Variants in CPM observed in about 807,000 individuals in gnomAD.
CPM encodes renal carboxypeptidase.
In CPM, 35 loss-of-function variants were observed where a neutral mutation model predicts 46.4. The observed-to-expected ratio is 0.75, with a 90% CI of 0.58 to 1.00. The LOEUF is 1.00. Among genes scored for constraint, CPM ranks in the 50% least tolerant of loss-of-function variants. CPM has a pLI of 0.00. For missense variants in CPM, 422 were observed against 530.4 expected (o/e 0.80, Z 2.01); for synonymous variants, 195 against 195.3 (o/e 1.00, Z 0.01).
intron 1 of CPM, among the ~76,000 whole-genome samples, chr12:68,940,945 A>G (rs1475208739): frequency 6.6e-6 from 1 of 152,084 alleles, no homozygotes; most frequent in African/African-American, 2.4e-5. Flanking sequence ...AACTTTTTCA[A>G]ACCTTGCAAA....
intron 2 of CPM, among the ~76,000 whole-genome samples, chr12:68,923,432 T>G (rs1243841287): frequency 6.6e-6 from 1 of 152,114 alleles, no homozygotes; most frequent in African/African-American, 2.4e-5. Context: ...ACTAAGCACC[T>G]TTTGGATGCT....
chr12:68,949,549 A>C (rs1395308289), intron 1 of CPM, among the ~76,000 whole-genome samples: 1 of 152,190 alleles, frequency 6.6e-6, no homozygotes, highest in African/African-American at 2.4e-5. Context: ...CTTCTTTAGA[A>C]ATGTGGATAA....
intron 2 of CPM, among the ~76,000 whole-genome samples, chr12:68,921,475 G>A (rs995238679): frequency 1.3e-5 from 2 of 152,182 alleles, no homozygotes; most frequent in African/African-American, 4.8e-5. Flanking sequence ...GGGTGAGTGT[G>A]ATGGTGGTGA....
In CPM at chr12:68,856,203, T is replaced by C. The variant is rs889120730; in HGVS notation, c.*234A>G. On this transcript the variant is annotated 3_prime_UTR_variant, in exon 9 of 9. Transcript: ENST00000551568. ...ACTTCAAGATTAATTTGAGTGTAAA[T>C]GAGCAGTACTTGTTAGGTAAGTGTC... 6.3e-6 allele frequency: 3 copies of C among 477,596 alleles called. No homozygotes were observed. The highest frequency in any genetic ancestry group is 5.7e-5 in the African/African-American group (3 of 52,304). The allele number at this position is 477,596 out of a possible 1,614,324, so 29.6% of individuals were successfully genotyped here.
chr12:68,903,548 T>C (rs936371894), intron 2 of CPM, among the ~76,000 whole-genome samples: 1 of 152,240 alleles, frequency 6.6e-6, no homozygotes, highest in African/African-American at 2.4e-5. Context: ...GAAATGCCCA[T>C]TTCAGAAGCA....
At chr12:68,892,634 C>T (rs149988715) in intron 2 of CPM, among the ~76,000 whole-genome samples, 1,995 of 152,068 alleles carry the variant, frequency 0.013, 52 homozygotes, top group African/African-American at 0.046. Context: ...CCAAGGCAGG[C>T]GGATCACCTG....
In CPM at chr12:68,859,006, C is replaced by T. The variant is rs746341475; in HGVS notation, c.1006G>A (p.Asp336Asn). The T allele has an allele frequency of 1.1e-5, 18 of 1,574,852 alleles. No homozygotes were observed. The highest frequency in any genetic ancestry group is 1.6e-5 in the Non-Finnish European group (18 of 1,160,628). ...PLPNVIVEVQ[D>N]RKHICPYRTN... ...CTATAGGGGCAGATATGTTTTCTGT[C>T]TTGGACTTCCACAATTACATTGGGT... Residue 336 changes from aspartate to asparagine, a missense_variant, in exon 8 of 9, where the codon GAC becomes AAC. Physicochemically the swap from Asp to Asn is conservative, Grantham distance 23 (BLOSUM62 1). Coordinates refer to ENST00000551568, the MANE Select transcript of CPM (RefSeq NM_198320.5).
At chr12:68,933,932 A>G (rs1303997856), upstream of CPM, among the ~76,000 whole-genome samples, 1 of 152,178 alleles carries the variant, frequency 6.6e-6, no homozygotes, top group Non-Finnish European at 1.5e-5. Flanking sequence ...TCTTAGGCCA[A>G]TTACAGGTCT....
intron 6 of CPM, among the ~76,000 whole-genome samples, 197 bp from the exon 7 acceptor site, chr12:68,867,245 G>A (rs1181955341): frequency 1.3e-5 from 2 of 152,172 alleles, no homozygotes; most frequent in African/African-American, 4.8e-5. Flanking sequence ...TCCCATATGG[G>A]TAACTGGATC....
intron 2 of CPM, among the ~76,000 whole-genome samples, chr12:68,901,944 C>T (rs1421843747): frequency 1.3e-5 from 2 of 152,088 alleles, no homozygotes; most frequent in African/African-American, 4.8e-5. Context: ...AAAGAGGCAC[C>T]TCTGTGTCAC....
In CPM at chr12:68,871,920, A is replaced by G; in HGVS notation, c.295T>C (p.Tyr99His). 3.1e-6 allele frequency: 5 copies of G among 1,614,170 alleles called. No homozygotes were observed. Among genetic ancestry groups the G allele is most frequent in the Non-Finnish European group, 4.2e-6 (5 of 1,180,028 alleles). The change falls in exon 4 of 9, where the codon TAT becomes CAT. Residue 99 changes from tyrosine to histidine, a missense_variant. Transcript: ENST00000551568. ...TCTTTGCCATCACTGGTTACGAGAT[A>G]GTCAATCAGATGGAGCAGCAGCTCC... is the stretch of plus-strand genomic sequence containing the variant. The part of the protein sequence containing the change: ...GRELLLHLID[Y>H]LVTSDGKDPE...
At chr12:68,888,659 C>G (rs1886532586) in intron 2 of CPM, among the ~76,000 whole-genome samples, 1 of 152,156 alleles carries the variant, frequency 6.6e-6, no homozygotes, top group African/African-American at 2.4e-5. Context: ...TTAGAAAGAC[C>G]ACCTTTATTC....
intron 6 of CPM, 80 bp downstream of exon 6, chr12:68,869,245 A>T (rs916614023): frequency 7.3e-7 from 1 of 1,379,128 alleles, no homozygotes; most frequent in Non-Finnish European, 1.0e-6. Flanking sequence ...TTCTTTTAAC[A>T]ACTGCTGGAT....
intron 6 of CPM, among the ~76,000 whole-genome samples, chr12:68,868,554 C>T (rs894506347): frequency 8.5e-5 from 13 of 152,130 alleles, no homozygotes; most frequent in African/African-American, 2.9e-4. Flanking sequence ...TGTCCTTCCA[C>T]CCTAGGTCCC....
rs1358754425 is a variant in CPM, at chr12:68,854,009, C to G, written c.*2428G>C. On this transcript the variant is annotated 3_prime_UTR_variant, in exon 9 of 9. Coordinates refer to ENST00000551568, the MANE Select transcript of CPM (RefSeq NM_198320.5). ...AAGCATTAGTACTTCAAATTGAGTC[C>G]TAATGGTAAAATTTTTTTCTGATAA... The G allele has an allele frequency of 6.6e-6, 1 of 151,770 alleles. No homozygotes were observed. The highest frequency in any genetic ancestry group is 1.5e-5 in the Non-Finnish European group (1 of 67,992). The allele number at this position is 151,770 out of a possible 1,614,324, so 9.4% of individuals were successfully genotyped here.
At chr12:68,919,048 G>A (rs1325609533) in intron 2 of CPM, among the ~76,000 whole-genome samples, 1 of 152,134 alleles carries the variant, frequency 6.6e-6, no homozygotes, top group African/African-American at 2.4e-5. Context: ...TCTCACTTCT[G>A]TTCTACTCTT....
intron 2 of CPM, among the ~76,000 whole-genome samples, chr12:68,914,810 G>C (rs1213512370): frequency 2.0e-5 from 3 of 152,096 alleles, no homozygotes; most frequent in Non-Finnish European, 2.9e-5. Flanking sequence ...GGAAGAACTG[G>C]GGTTTTGAAT....
chr12:68,891,042 TGA>T (rs1211204769), intron 2 of CPM, among the ~76,000 whole-genome samples: 2 of 152,280 alleles, frequency 1.3e-5, no homozygotes, highest in Non-Finnish European at 2.9e-5. Context: ...AGTCCAAGCT[TGA>T]GAGAGTTTCC....
intron 2 of CPM, among the ~76,000 whole-genome samples, chr12:68,921,014 T>C (rs115109763): frequency 6.6e-6 from 1 of 151,890 alleles, no homozygotes; most frequent in Admixed American, 6.6e-5. Context: ...TGCTTAACTC[T>C]TGGGGGAAAA....
Sources: gnomAD v4.1 joint callset for allele counts (sites outside exome capture counted in the v4.1 genomes callset) on GRCh38, gnomAD v4.1.1 for gene constraint, MANE v1.5 for transcripts, NCBI Gene and HGNC (gene_info 2026-07-23, HGNC 2026-07-21) for gene names.